Variants in PPARGC1A observed in about 807,000 individuals in gnomAD.
PPARGC1A encodes peroxisome proliferator-activated receptor gamma coactivator 1-alpha.
PPARGC1A carries 25 observed loss-of-function variants against 88.7 expected under a neutral mutation model. That is an observed-to-expected ratio of 0.28 (90% CI 0.21 to 0.39). The LOEUF (loss-of-function observed/expected upper bound fraction) is 0.39. PPARGC1A is among the 10% of genes least tolerant of loss of function. The pLI, the probability that PPARGC1A is intolerant of heterozygous loss-of-function variation, is 1.00. For missense variants in PPARGC1A, 880 were observed against 968.7 expected, an observed-to-expected ratio of 0.91 and a Z score of 1.22; for synonymous variants, 363 against 355.6, an observed-to-expected ratio of 1.02 and a Z score of -0.24.
chr4:24,285,115 T>C, the PPARGC1A span, among the ~76,000 whole-genome samples: 1 of 152,188 alleles, frequency 6.6e-6, no homozygotes, highest in Non-Finnish European at 1.5e-5. Flanking sequence ...AGCCCTTTTG[T>C]TCTCATGAGA....
At chr4:24,387,831 A>C in the PPARGC1A span, among the ~76,000 whole-genome samples, 1 of 100,714 alleles carries the variant, frequency 9.9e-6, no homozygotes, top group Non-Finnish European at 2.4e-5. Flanking sequence ...AAAGAGAGAA[A>C]GAGAGAAAGA....
chr4:24,168,493 C>A, the PPARGC1A span, among the ~76,000 whole-genome samples: 1 of 152,210 alleles, frequency 6.6e-6, no homozygotes, highest in Non-Finnish European at 1.5e-5. Context: ...TTTCTTACAT[C>A]ATTCTCCAAT....
chr4:24,447,728 T>C, the PPARGC1A span, among the ~76,000 whole-genome samples: 1 of 152,074 alleles, frequency 6.6e-6, no homozygotes, highest in South Asian at 2.1e-4. Context: ...GTTGTCTCAC[T>C]TCCCCCACAT....
chr4:23,835,043 G>C (rs1272076187), intron 2 of PPARGC1A, among the ~76,000 whole-genome samples: 1 of 152,030 alleles, frequency 6.6e-6, no homozygotes, highest in Non-Finnish European at 1.5e-5. Flanking sequence ...TTTCAAAAAG[G>C]CTTATTTCAT....
At chr4:24,404,399 G>A in the PPARGC1A span, among the ~76,000 whole-genome samples, 6 of 151,950 alleles carry the variant, frequency 3.9e-5, no homozygotes, top group African/African-American at 1.2e-4. Flanking sequence ...GAATATCAGC[G>A]TACAGTGGCT....
At chr4:23,958,477 T>C in the PPARGC1A span, among the ~76,000 whole-genome samples, 3 of 152,276 alleles carry the variant, frequency 2.0e-5, no homozygotes, top group South Asian at 2.1e-4. Context: ...CAAAAATTTC[T>C]TTATGTTTTC....
chr4:24,472,196 C>A, the PPARGC1A span, among the ~76,000 whole-genome samples: 2 of 152,174 alleles, frequency 1.3e-5, no homozygotes, highest in Non-Finnish European at 2.9e-5. This position sits in a 1 kb window ranked among gnomAD's most constrained non-coding sequence, Gnocchi z 4.5. Flanking sequence ...GGAAAGCTAG[C>A]GATGGGGGAA....
At chr4:23,891,587 A>G (rs1006528491), upstream of PPARGC1A, among the ~76,000 whole-genome samples, 2 of 152,340 alleles carry the variant, frequency 1.3e-5, no homozygotes, top group Admixed American at 6.5e-5. Flanking sequence ...ACATATTATA[A>G]GAGATTTGTG....
chr4:23,982,085 A>G, the PPARGC1A span, among the ~76,000 whole-genome samples: 1 of 152,140 alleles, frequency 6.6e-6, no homozygotes, highest in Non-Finnish European at 1.5e-5. Flanking sequence ...TGAAAAATAT[A>G]TCCACTCCTA....
intron 2 of PPARGC1A, among the ~76,000 whole-genome samples, chr4:23,870,618 A>G (rs1027068240): frequency 2.6e-5 from 4 of 152,196 alleles, no homozygotes; most frequent in African/African-American, 9.7e-5. Context: ...ATCATAAGTA[A>G]AGCAAAAGGA....
the PPARGC1A span, among the ~76,000 whole-genome samples, chr4:24,141,052 C>T: frequency 3.3e-5 from 5 of 152,228 alleles, no homozygotes; most frequent in Non-Finnish European, 7.3e-5. Context: ...AATCACCAAA[C>T]ACAGGCTTCG....
At chr4:24,347,807 G>T in the PPARGC1A span, among the ~76,000 whole-genome samples, 1 of 151,974 alleles carries the variant, frequency 6.6e-6, no homozygotes, top group African/African-American at 2.4e-5. Context: ...GCTCTTTGTT[G>T]CTTCTGTGCT....
At chr4:23,886,345 C>T (rs898884614) in intron 1 of PPARGC1A, among the ~76,000 whole-genome samples, 6 of 152,128 alleles carry the variant, frequency 3.9e-5, no homozygotes, top group African/African-American at 1.4e-4. Flanking sequence ...TCCTAGCAGG[C>T]CACATTACAC....
At chr4:24,130,822 C>G in the PPARGC1A span, among the ~76,000 whole-genome samples, 2 of 152,140 alleles carry the variant, frequency 1.3e-5, no homozygotes, top group Non-Finnish European at 2.9e-5. Context: ...CCACAAGATA[C>G]CCAGGCTCCT....
At chr4:24,150,221 G>T in the PPARGC1A span, among the ~76,000 whole-genome samples, 1 of 152,166 alleles carries the variant, frequency 6.6e-6, no homozygotes, top group South Asian at 2.1e-4. Context: ...CTAGGCTGGT[G>T]TACTAGCGAA....
the PPARGC1A span, among the ~76,000 whole-genome samples, chr4:24,188,691 T>C: frequency 1.3e-5 from 2 of 151,992 alleles, no homozygotes; most frequent in African/African-American, 2.4e-5. Flanking sequence ...TCGTGCACAG[T>C]TGGTGGTAAT....
At chr4:23,916,911 AT>A in the PPARGC1A span, among the ~76,000 whole-genome samples, 3 of 152,222 alleles carry the variant, frequency 2.0e-5, no homozygotes, top group East Asian at 5.8e-4. Context: ...AAAACATGAC[AT>A]TTATGGATTC....
At chr4:23,865,286 C>G (rs953905518) in intron 2 of PPARGC1A, among the ~76,000 whole-genome samples, 1 of 152,160 alleles carries the variant, frequency 6.6e-6, no homozygotes, top group Non-Finnish European at 1.5e-5. Flanking sequence ...GCCAGCGTTT[C>G]TGAGGATTCC....
the PPARGC1A span, among the ~76,000 whole-genome samples, chr4:23,944,833 C>T: frequency 6.6e-6 from 1 of 152,162 alleles, no homozygotes; most frequent in African/African-American, 2.4e-5. Flanking sequence ...CTGTAAGTTT[C>T]CTGAGGTTTC....
Sources: gnomAD v4.1 joint callset for allele counts (sites outside exome capture counted in the v4.1 genomes callset) on GRCh38, gnomAD v4.1.1 for gene constraint, Gnocchi (gnomAD v3.1) non-coding constraint, MANE v1.5 for transcripts, NCBI Gene and HGNC (gene_info 2026-07-23, HGNC 2026-07-21) for gene names.